The following GMDS variants were observed in gnomAD, a reference collection of about 807,000 sequenced individuals.
The protein encoded by GMDS is GDP-mannose 4,6-dehydratase, also known as GDP-mannose 4,6 dehydratase.
Under a neutral mutation model 49.9 loss-of-function variants are expected in GMDS, and 20 were observed. The ratio of observed to expected loss-of-function variants is 0.40; its 90% CI spans 0.28 to 0.58. The LOEUF (loss-of-function observed/expected upper bound fraction) is 0.58. GMDS is among the 20% of genes least tolerant of loss of function. The pLI is 0.42. For synonymous variants in GMDS, 177 were observed against 178.6 expected (o/e 0.99, Z 0.07); for missense variants, 362 against 481.4 (o/e 0.75, Z 2.32).
At chr6:2,064,547 C>T (rs1771414673) in intron 4 of GMDS, among the ~76,000 whole-genome samples, 1 of 152,088 alleles carries the variant, frequency 6.6e-6, no homozygotes. Flanking sequence ...GTTTTTTCCC[C>T]CACCTAGGAT....
chr6:1,683,748 G>T lies in GMDS; in HGVS notation c.987+42668C>A, dbSNP rs62388267. On this transcript the variant is annotated intron_variant, in intron 9 of 10. Coordinates refer to ENST00000380815, the MANE Select transcript of GMDS (RefSeq NM_001500.4). ...TAGTTTAGAAAGTTCCCTTGGACAC[G>T]TTCAACTTTTCATAACTCGTGAGAT... Among the ~76,000 whole-genome samples the T allele has an allele frequency of 2.0e-5, 3 of 152,138 alleles. No homozygotes were observed. In the South Asian group the frequency reaches 6.2e-4, roughly 32 times the overall value.
chr6:2,199,911 T>C (rs1056177954), intron 1 of GMDS, among the ~76,000 whole-genome samples: 1 of 152,186 alleles, frequency 6.6e-6, no homozygotes, highest in African/African-American at 2.4e-5. Context: ...GAATTAAGGA[T>C]TTCTAAAAGA....
intron 4 of GMDS, among the ~76,000 whole-genome samples, chr6:1,991,376 C>A (rs1056188926): frequency 6.6e-6 from 1 of 152,266 alleles, no homozygotes; most frequent in African/African-American, 2.4e-5. Context: ...GGCCTACTCC[C>A]CACATCGTCA....
chr6:1,822,270 T>C (rs1329662064), intron 7 of GMDS, among the ~76,000 whole-genome samples: 1 of 152,210 alleles, frequency 6.6e-6, no homozygotes, highest in Non-Finnish European at 1.5e-5. Context: ...CATTTGGAAA[T>C]TCAAAACCAT....
chr6:2,141,105 C>T (rs1281974847), intron 1 of GMDS, among the ~76,000 whole-genome samples: 1 of 152,132 alleles, frequency 6.6e-6, no homozygotes, highest in African/African-American at 2.4e-5. Context: ...AAACGAAAGG[C>T]TAAAATATAT....
rs557699146 is a variant in GMDS at position 1,653,962 on chromosome 6, T to TAAC, written c.988-29425_988-29423dup. Among the ~76,000 whole-genome samples the TAAC allele has an allele frequency of 3.2e-4, 48 of 151,982 alleles. No individual in the cohort carries two copies. In the East Asian group the frequency reaches 8.3e-3, roughly 26 times the overall value. ...GCAGACAAAGTGGACTCCTACAACT[T>TAAC]AACAACAACAACAACAAAAGAAAGA... On this transcript the variant is annotated intron_variant, in intron 9 of 10. Transcript: ENST00000380815.
In GMDS at chr6:2,082,142, CAT is replaced by C. The variant is rs967927729; in HGVS notation, c.345+33627_345+33628del. ...GAAGAAAGTAATGAGATAAAAGACA[CAT>C]GATACGTGTTCCCTACTTTACACAC... On this transcript the variant is annotated intron_variant, in intron 4 of 10. Coordinates refer to ENST00000380815, the MANE Select transcript of GMDS (RefSeq NM_001500.4). 5.9e-5 allele frequency among the ~76,000 whole-genome samples: 9 copies of C among 152,288 alleles called. No homozygotes were observed. The South Asian group carries it at 6.2e-4, about 11-fold the overall frequency.
In GMDS at chr6:1,833,901, T is replaced by C. The variant is rs998947625; in HGVS notation, c.772-91315A>G. ...ATCTAAATGAGAAACATGCTCTCCT[T>C]AAAATCACAATGCATATATCGCATC... On this transcript the variant is annotated intron_variant, in intron 7 of 10. Transcript: ENST00000380815. The surrounding 1 kb of genome is among the most constrained non-coding windows in gnomAD (Gnocchi z 4.4). Among the ~76,000 whole-genome samples, 1 of 152,214 alleles carries C rather than the reference T, an allele frequency of 6.6e-6. No homozygotes were observed. The highest frequency in any genetic ancestry group is 1.5e-5 in the Non-Finnish European group (1 of 68,038).
At chr6:2,095,063 G>A (rs762818691) in intron 4 of GMDS, among the ~76,000 whole-genome samples, 10 of 152,082 alleles carry the variant, frequency 6.6e-5, no homozygotes, top group South Asian at 4.1e-4. Context: ...CACTAAACAC[G>A]TGCACCCAGG....
At chr6:1,777,680 A>G (rs559179404) in intron 7 of GMDS, among the ~76,000 whole-genome samples, 1 of 152,348 alleles carries the variant, frequency 6.6e-6, no homozygotes, top group South Asian at 2.1e-4. Context: ...AGGGAATAGA[A>G]CTAGAGTTTA....
At chr6:1,808,264 A>T (rs188973045) in intron 7 of GMDS, among the ~76,000 whole-genome samples, 26 of 152,258 alleles carry the variant, frequency 1.7e-4, no homozygotes, top group Non-Finnish European at 2.2e-4. Context: ...TTAGTTGGAA[A>T]ATTGGGGGCT....
chr6:1,850,355 C>T (rs994137759), intron 7 of GMDS, among the ~76,000 whole-genome samples: 1 of 152,234 alleles, frequency 6.6e-6, no homozygotes. Flanking sequence ...CGCTTCTACA[C>T]ATGCACAGTA....
At chr6:2,153,509 G>C (rs1776948447) in intron 1 of GMDS, among the ~76,000 whole-genome samples, 1 of 152,144 alleles carries the variant, frequency 6.6e-6, no homozygotes, top group Admixed American at 6.5e-5. Context: ...CAACAGTCCA[G>C]TAGGGAAAAT....
intron 7 of GMDS, among the ~76,000 whole-genome samples, chr6:1,894,103 A>T (rs1261594528): frequency 6.6e-6 from 1 of 152,230 alleles, no homozygotes; most frequent in East Asian, 1.9e-4. Context: ...ACACAAAAAT[A>T]AACATGTCTT....
intron 1 of GMDS, among the ~76,000 whole-genome samples, chr6:2,126,823 G>A (rs1369623306): frequency 2.0e-5 from 3 of 152,058 alleles, no homozygotes; most frequent in South Asian, 4.2e-4. Context: ...TAGTAGAGAC[G>A]GGTTTTCACC....
At chr6:1,682,205 T>C (rs1764813791) in intron 9 of GMDS, among the ~76,000 whole-genome samples, 1 of 152,242 alleles carries the variant, frequency 6.6e-6, no homozygotes, top group Non-Finnish European at 1.5e-5. Context: ...TCATGATATG[T>C]CTTTATTTTA....
intron 4 of GMDS, among the ~76,000 whole-genome samples, chr6:2,100,418 T>C (rs907213574): frequency 6.6e-6 from 1 of 152,084 alleles, no homozygotes; most frequent in Admixed American, 6.5e-5. Flanking sequence ...TCTAATGTCC[T>C]AAACATTACA....
At chr6:1,891,928 C>T (rs528654134) in intron 7 of GMDS, among the ~76,000 whole-genome samples, 4 of 152,186 alleles carry the variant, frequency 2.6e-5, no homozygotes, top group Non-Finnish European at 4.4e-5. Context: ...CAGAACTCCA[C>T]AAATCCCATC....
At chr6:1,914,481 G>GAAAA (rs1253352915) in intron 7 of GMDS, among the ~76,000 whole-genome samples, 1 of 148,180 alleles carries the variant, frequency 6.7e-6, no homozygotes, top group Non-Finnish European at 1.5e-5. Context: ...AAAAAAAAAA[G>GAAAA]AAAAAAAAGA....
Sources: gnomAD v4.1 joint callset for allele counts (sites outside exome capture counted in the v4.1 genomes callset) on GRCh38, gnomAD v4.1.1 for gene constraint, Gnocchi (gnomAD v3.1) non-coding constraint, MANE v1.5 for transcripts, NCBI Gene and HGNC (gene_info 2026-07-23, HGNC 2026-07-21) for gene names.